The following SLIT3 variants were observed in gnomAD, a reference collection of about 807,000 sequenced individuals.
SLIT3 encodes the protein slit guidance ligand 3, also known as slit homolog 3 protein.
A neutral mutation model predicts 184.0 loss-of-function variants in SLIT3; 68 were observed. The ratio of observed to expected loss-of-function variants is 0.37; its 90% CI spans 0.30 to 0.45. The LOEUF is 0.45. SLIT3 is among the 20% of genes least tolerant of loss of function. The pLI is 1.00. For synonymous variants in SLIT3, 831 were observed against 828.6 expected (o/e 1.00, Z -0.05); for missense variants, 1,707 against 2,026.0 (o/e 0.84, Z 3.02).
chr5:168,851,724 A>T (rs763979694), intron 5 of SLIT3, among the ~76,000 whole-genome samples: 3 of 152,220 alleles, frequency 2.0e-5, no homozygotes, highest in Non-Finnish European at 4.4e-5. Flanking sequence ...ATCCTGGGAA[A>T]CAAATCAATT....
chr5:169,209,094 T>G (rs1764167679), intron 3 of SLIT3, among the ~76,000 whole-genome samples: 1 of 151,150 alleles, frequency 6.6e-6, no homozygotes, highest in African/African-American at 2.4e-5. Context: ...ACAAAGAACT[T>G]AAATTTACAA....
rs1037221190 is a variant in SLIT3, at chr5:169,300,743, C to G, written c.-34G>C. ...GGGCCCCGCTCCTGGAGGAGGCTGC[C>G]TCTGCGGGGCAAGACGCGTGGAGCC... On this transcript the variant is annotated 5_prime_UTR_variant, in exon 1 of 36. Coordinates refer to ENST00000519560, the MANE Select transcript of SLIT3 (RefSeq NM_003062.4). The surrounding 1 kb of genome is among the most constrained non-coding windows in gnomAD (Gnocchi z 4.1). 3.9e-6 allele frequency: 5 copies of G among 1,289,998 alleles called. No individual in the cohort carries two copies. Among genetic ancestry groups the G allele is most frequent in the Non-Finnish European group, 4.9e-6 (5 of 1,021,146 alleles). 79.9% of individuals were successfully genotyped at this position (1,289,998 alleles called of 1,614,324 possible).
At chr5:169,199,487 A>T (rs959614267) in intron 3 of SLIT3, among the ~76,000 whole-genome samples, 1 of 152,190 alleles carries the variant, frequency 6.6e-6, no homozygotes, top group African/African-American at 2.4e-5. Context: ...GATTTCTGCA[A>T]TGCTGAAATC....
chr5:168,674,950 A>T (rs1399759752), intron 32 of SLIT3, among the ~76,000 whole-genome samples: 2 of 152,136 alleles, frequency 1.3e-5, no homozygotes, highest in African/African-American at 4.8e-5. Context: ...CAGATATCCT[A>T]TTTCACAGAT....
chr5:169,113,712 G>A (rs753256184), intron 4 of SLIT3, among the ~76,000 whole-genome samples: 1 of 145,470 alleles, frequency 6.9e-6, no homozygotes, highest in Non-Finnish European at 1.5e-5. Context: ...TTGGAGTGCA[G>A]TGGCTCGATC....
chr5:168,785,726 C>T (rs763249948), intron 12 of SLIT3, among the ~76,000 whole-genome samples, 181 bp downstream of exon 12: 7 of 152,200 alleles, frequency 4.6e-5, no homozygotes, highest in East Asian at 1.9e-4. Flanking sequence ...TTCCTCTGCC[C>T]GCTCGCTGAC....
chr5:169,261,486 CCTCT>C (rs1050348144), intron 1 of SLIT3, among the ~76,000 whole-genome samples: 1 of 151,614 alleles, frequency 6.6e-6, no homozygotes, highest in Non-Finnish European at 1.5e-5. Flanking sequence ...TCCTTTCCTC[CCTCT>C]CTCTCCTTTC....
At chr5:169,202,769 A>C (rs1181984958) in intron 3 of SLIT3, among the ~76,000 whole-genome samples, 1 of 150,658 alleles carries the variant, frequency 6.6e-6, no homozygotes, top group Non-Finnish European at 1.5e-5. Flanking sequence ...AAGTATGAAA[A>C]GAAAACAAGC....
At chr5:169,103,606 C>T (rs1246059030) in intron 4 of SLIT3, among the ~76,000 whole-genome samples, 1 of 152,220 alleles carries the variant, frequency 6.6e-6, no homozygotes, top group Non-Finnish European at 1.5e-5. Context: ...GTCTCAAAGT[C>T]CCCTTCCCCA....
intron 4 of SLIT3, among the ~76,000 whole-genome samples, chr5:168,978,148 T>C (rs1754830748): frequency 6.6e-6 from 1 of 152,214 alleles, no homozygotes; most frequent in East Asian, 1.9e-4. Flanking sequence ...ATCCCGCCTA[T>C]GAGCCAAACC....
chr5:168,817,608 A>G (rs964866344), intron 7 of SLIT3, 145 bp from the exon 8 acceptor site: 23 of 703,756 alleles, frequency 3.3e-5, no homozygotes, highest in African/African-American at 5.4e-5. Context: ...TTCCCTCTGC[A>G]CTACCAAAAA....
chr5:169,141,869 G>A (rs538446211), intron 4 of SLIT3, among the ~76,000 whole-genome samples: 1 of 151,570 alleles, frequency 6.6e-6, no homozygotes, highest in East Asian at 1.9e-4. Context: ...GACCTACATG[G>A]TGAAAACCCA....
intron 4 of SLIT3, among the ~76,000 whole-genome samples, chr5:169,139,881 C>T (rs1344094430): frequency 1.3e-5 from 2 of 152,198 alleles, no homozygotes; most frequent in African/African-American, 4.8e-5. Flanking sequence ...ATCCCAGGAA[C>T]CTGTTCTGTG....
rs112070460 is a variant in SLIT3, at chr5:168,882,637, G to A, written c.485+628C>T. On this transcript the variant is annotated intron_variant, in intron 5 of 35. Transcript: ENST00000519560. Reference sequence around the variant, plus strand: ...GGTTATGTCAGATGCTACCATTGGAGGAAACTAGTATACGGACTTGTCTAC... The same window carrying A: ...GGTTATGTCAGATGCTACCATTGGAAGAAACTAGTATACGGACTTGTCTAC... Among the ~76,000 whole-genome samples the A allele has an allele frequency of 7.5e-3, 1,149 of 152,204 alleles. 18 individuals are homozygous for A. Among genetic ancestry groups the A allele is most frequent in the African/African-American group, 0.026 (1,082 of 41,516 alleles).
rs111381029 is a variant in SLIT3 at position 169,135,561 on chromosome 5, C to T, written c.413+57918G>A. On this transcript the variant is annotated intron_variant, in intron 4 of 35. Coordinates refer to ENST00000519560, the MANE Select transcript of SLIT3 (RefSeq NM_003062.4). ...AACAATACTTACCCTCACCATCAGTCATGCCTTTTATCAGTGGTAGTGAGG... is the reference window on the plus strand; with the variant it reads ...AACAATACTTACCCTCACCATCAGTTATGCCTTTTATCAGTGGTAGTGAGG... Among the ~76,000 whole-genome samples the T allele has an allele frequency of 2.0e-3, 310 of 152,342 alleles. 1 individual carries two copies. Among genetic ancestry groups the T allele is most frequent in the Non-Finnish European group, 3.5e-3 (237 of 68,032 alleles).
At chr5:169,156,875 G>A (rs62376883) in intron 4 of SLIT3, among the ~76,000 whole-genome samples, 26,583 of 152,168 alleles carry the variant, frequency 0.17, 2,946 homozygotes, top group East Asian at 0.36. Context: ...CAGAAGGCAG[G>A]CTGGCAAGGG....
intron 4 of SLIT3, among the ~76,000 whole-genome samples, chr5:169,126,475 A>G (rs1226455231): frequency 6.6e-6 from 1 of 152,240 alleles, no homozygotes; most frequent in East Asian, 1.9e-4. Flanking sequence ...AGTCAGCATA[A>G]GAGAAATGTC....
intron 3 of SLIT3, among the ~76,000 whole-genome samples, chr5:169,227,088 G>A (rs1304292684): frequency 1.3e-5 from 2 of 152,130 alleles, no homozygotes; most frequent in Non-Finnish European, 1.5e-5. Context: ...CAAGATAATG[G>A]ATAAGTGGGA....
chr5:168,681,044 G>T (rs1347492159), intron 32 of SLIT3, among the ~76,000 whole-genome samples: 1 of 152,210 alleles, frequency 6.6e-6, no homozygotes, highest in Non-Finnish European at 1.5e-5. Flanking sequence ...AGCTACTCAG[G>T]AGGCTGAGGT....
Sources: gnomAD v4.1 joint callset for allele counts (sites outside exome capture counted in the v4.1 genomes callset) on GRCh38, gnomAD v4.1.1 for gene constraint, Gnocchi (gnomAD v3.1) non-coding constraint, MANE v1.5 for transcripts, NCBI Gene and HGNC (gene_info 2026-07-23, HGNC 2026-07-21) for gene names.